Variants in CCDC42 observed in about 807,000 individuals in gnomAD.
CCDC42 encodes coiled-coil domain-containing protein 42.
Under a neutral mutation model 40.8 loss-of-function variants are expected in CCDC42, and 38 were observed. The observed-to-expected ratio is 0.93, with a 90% CI of 0.72 to 1.22. CCDC42 has a LOEUF of 1.22. Ranked by LOEUF, CCDC42 falls within the 50% of genes most tolerant of loss-of-function variation. The pLI is 0.00. For synonymous variants in CCDC42, 135 were observed against 157.5 expected (o/e 0.86, Z 1.07); for missense variants, 379 against 416.5 (o/e 0.91, Z 0.78).
At chr17:8,732,331 G>A (rs973432268) in intron 6 of CCDC42, among the ~76,000 whole-genome samples, 4 of 134,066 alleles carry the variant, frequency 3.0e-5, no homozygotes, top group East Asian at 2.1e-4. Flanking sequence ...AAACCTGCTC[G>A]TGTACTCCTG....
chr17:8,744,733 A>C lies in CCDC42; in HGVS notation c.-124T>G. The stretch of plus-strand genomic sequence containing the variant: ...TTCTCCCTTCGGCCTACAGGGTCCC[A>C]CAGATGATGGAGTTTGAGACTCCAC... On this transcript the variant is annotated 5_prime_UTR_variant, in exon 1 of 7. Coordinates refer to ENST00000293845, the MANE Select transcript of CCDC42 (RefSeq NM_144681.3). 1.4e-6 allele frequency: 1 copy of C among 698,076 alleles called. No individual in the cohort carries two copies. The highest frequency in any genetic ancestry group is 1.6e-5 in the South Asian group (1 of 61,812). The allele number at this position is 698,076 out of a possible 1,614,324, so 43.2% of individuals were successfully genotyped here. A position where few individuals can be genotyped will look rare whatever the true frequency, so the allele number is the denominator to read the frequency against.
intron 4 of CCDC42, among the ~76,000 whole-genome samples, chr17:8,738,118 G>T (rs1020993136): frequency 1.3e-5 from 2 of 152,098 alleles, no homozygotes; most frequent in Non-Finnish European, 2.9e-5. Flanking sequence ...GAGCCACCAC[G>T]CTTGACCCAT....
chr17:8,742,811 G>A (rs1227053542), intron 3 of CCDC42, among the ~76,000 whole-genome samples: 1 of 152,242 alleles, frequency 6.6e-6, no homozygotes, highest in Non-Finnish European at 1.5e-5. Context: ...GTCTGTATTT[G>A]TAGCAAACTC....
intron 4 of CCDC42, among the ~76,000 whole-genome samples, chr17:8,738,554 C>T (rs2086624648): frequency 6.6e-6 from 1 of 151,552 alleles, no homozygotes; most frequent in Non-Finnish European, 1.5e-5. Flanking sequence ...CAACCTCTGC[C>T]TCCCGGGTTC....
At chr17:8,732,809 G>A (rs1315110407) in intron 6 of CCDC42, among the ~76,000 whole-genome samples, 1 of 152,184 alleles carries the variant, frequency 6.6e-6, no homozygotes, top group Non-Finnish European at 1.5e-5. Context: ...AGTCTGGAAA[G>A]TGCTTGTTCA....
rs766861932 is a variant in CCDC42, at chr17:8,735,185, C to T, written c.784G>A (p.Ala262Thr). Reference sequence around the variant, plus strand: ...ACGATCTGGAAGAGGTTCAGCGTGGCCATCTTAATGGTGCCAAGCAGGAGG... The same window carrying T: ...ACGATCTGGAAGAGGTTCAGCGTGGTCATCTTAATGGTGCCAAGCAGGAGG... ...KTLLLGTIKM[A>T]TLNLFQIVSK... is the part of the protein sequence containing the mutation. The change falls in exon 6 of 7, where the codon GCC (alanine) becomes ACC (threonine). Residue 262 changes from alanine (A) to threonine (T), a missense_variant. Transcript: ENST00000293845. This position sits in a 1 kb window ranked among gnomAD's most constrained non-coding sequence, Gnocchi z 4.7. The T allele has an allele frequency of 3.7e-6, 6 of 1,614,194 alleles. No individual in the cohort carries two copies. In the Admixed American group the frequency reaches 8.3e-5, roughly 22 times the overall value.
Position 8,743,619 on chromosome 17 carries a change from T to C in CCDC42, c.294+7A>G. On this transcript the variant is annotated splice_region_variant and intron_variant, in intron 3 of 6. Transcript: ENST00000293845. ...TGGCCACTGCGGCCGCCCACACCCC[T>C]TCAAACCTGGATGAACTGCTCAGAC... 1 of 1,584,270 alleles carries C rather than the reference T, an allele frequency of 6.3e-7. No homozygotes were observed. The highest frequency in any genetic ancestry group is 1.1e-5 in the South Asian group (1 of 90,494).
At chr17:8,744,489 G>A (rs1411500306) in intron 1 of CCDC42, 38 bp downstream of exon 1, 1 of 1,542,000 alleles carries the variant, frequency 6.5e-7, no homozygotes, top group Non-Finnish European at 8.9e-7. Context: ...GTGGTCCCAG[G>A]CACAGAGGGG....
chr17:8,732,360 TAA>T, intron 6 of CCDC42, among the ~76,000 whole-genome samples: 1 of 97,258 alleles, frequency 1.0e-5, no homozygotes, highest in Non-Finnish European at 2.3e-5. Flanking sequence ...ATTAAAAAAA[TAA>T]AAAAAGGATT....
rs149274270 is a variant in CCDC42, at chr17:8,735,554, C to T, written c.550G>A (p.Asp184Asn). The change falls in exon 5 of 7, where the codon GAC becomes AAC. Residue 184 changes from aspartate (D) to asparagine (N), a missense_variant. Asp to Asn is a conservative substitution (Grantham distance 23). Transcript: ENST00000293845. This position sits in a 1 kb window ranked among gnomAD's most constrained non-coding sequence, Gnocchi z 4.7. ...CCTTCCTGCGCAGACTGCATGAGGT[C>T]GTGGCGCATGCTCACCAGCGTCTTG... Reference protein sequence around the residue: ...RYKTLVSMRHDLMQSAQEGQE... With the variant: ...RYKTLVSMRHNLMQSAQEGQE... 6.6e-4 allele frequency: 1,059 copies of T among 1,614,116 alleles called. 7 individuals carry two copies. In the African/African-American group the frequency reaches 0.013, roughly 19 times the overall value.
chr17:8,740,454 A>G lies in CCDC42; in HGVS notation c.492+1020T>C, dbSNP rs1463178455. ...CAGTGAGCCGAGATCAAGCCACTGC[A>G]CTCCAGGCTGGGCAACAAAAGTGAA... On this transcript the variant is annotated intron_variant, in intron 4 of 6. Transcript: ENST00000293845. Among the ~76,000 whole-genome samples, 11 of 144,808 alleles carry G rather than the reference A, an allele frequency of 7.6e-5. No homozygotes were observed. In the Admixed American group the frequency reaches 8.1e-4, roughly 11 times the overall value. The allele number at this position is 144,808 out of a possible 152,430, so 95.0% of individuals were successfully genotyped here. A position where few individuals can be genotyped will look rare whatever the true frequency, so the allele number is the denominator to read the frequency against.
At chr17:8,744,026 CAG>C in intron 2 of CCDC42, 51 bp downstream of exon 2, 8 of 1,343,606 alleles carry the variant, frequency 6.0e-6, no homozygotes, top group Non-Finnish European at 8.4e-6. Context: ...CCCAGAGCCC[CAG>C]CCCACCCCCT....
intron 4 of CCDC42, among the ~76,000 whole-genome samples, chr17:8,738,333 CATT>C (rs1568052530): frequency 1.3e-5 from 2 of 152,098 alleles, no homozygotes; most frequent in Non-Finnish European, 2.9e-5. Flanking sequence ...ATGAATTAAT[CATT>C]ATTAGAATCA....
intron 3 of CCDC42, among the ~76,000 whole-genome samples, chr17:8,741,997 C>T (rs988730058): frequency 1.3e-5 from 2 of 152,016 alleles, no homozygotes; most frequent in Admixed American, 6.5e-5. Context: ...GGGACTTGGG[C>T]TCTGGACTTC....
rs1568050820 is a variant in CCDC42 at position 8,735,080 on chromosome 17, T to C, written c.873+16A>G. 1 of 1,613,974 alleles carries C rather than the reference T, an allele frequency of 6.2e-7. No homozygotes were observed. Among genetic ancestry groups the C allele is most frequent in the African/African-American group, 1.3e-5 (1 of 75,064 alleles). On this transcript the variant is annotated intron_variant, in intron 6 of 6. Transcript: ENST00000293845. This position sits in a 1 kb window ranked among gnomAD's most constrained non-coding sequence, Gnocchi z 4.7. Reference sequence around the variant, plus strand: ...CAGCCGACCCCACGGGCCCAGTGCCTGTCCCCTCCTCCTACCATGTCCAGC... The same window carrying C: ...CAGCCGACCCCACGGGCCCAGTGCCCGTCCCCTCCTCCTACCATGTCCAGC...
intron 6 of CCDC42, among the ~76,000 whole-genome samples, chr17:8,730,666 T>G (rs1382344847): frequency 2.0e-5 from 3 of 152,162 alleles, no homozygotes; most frequent in Non-Finnish European, 2.9e-5. Flanking sequence ...GGAGGCCACT[T>G]TCTCTCATTT....
At chr17:8,731,297 A>C (rs2086578416) in intron 6 of CCDC42, among the ~76,000 whole-genome samples, 1 of 152,214 alleles carries the variant, frequency 6.6e-6, no homozygotes, top group Admixed American at 6.5e-5. Context: ...ACGTTCATAC[A>C]CCGTTGGTGG....
intron 4 of CCDC42, among the ~76,000 whole-genome samples, chr17:8,738,604 T>A (rs1474659512): frequency 6.6e-6 from 1 of 152,032 alleles, no homozygotes; most frequent in African/African-American, 2.4e-5. Flanking sequence ...TAGCTGAGAT[T>A]ACAGGCACCC....
intron 1 of CCDC42, 52 bp from the exon 2 acceptor site, chr17:8,744,236 T>C (rs1434235172): frequency 7.0e-7 from 1 of 1,423,000 alleles, no homozygotes; most frequent in South Asian, 1.2e-5. Flanking sequence ...TGGGGTAGGC[T>C]GGGGCTGGGA....
Sources: gnomAD v4.1 joint callset for allele counts (sites outside exome capture counted in the v4.1 genomes callset) on GRCh38, gnomAD v4.1.1 for gene constraint, Gnocchi (gnomAD v3.1) non-coding constraint, MANE v1.5 for transcripts, NCBI Gene and HGNC (gene_info 2026-07-23, HGNC 2026-07-21) for gene names.